Variants in LPP observed in about 807,000 individuals in gnomAD.
LPP encodes the protein LIM domain containing preferred translocation partner in lipoma.
A neutral mutation model predicts 60.4 loss-of-function variants in LPP; 38 were observed. The ratio of observed to expected loss-of-function variants is 0.63; its 90% CI spans 0.49 to 0.83. LPP has a LOEUF of 0.83. Ranked by LOEUF, LPP falls within the 40% of genes least tolerant of loss-of-function variation. LPP has a pLI of 0.00. For missense variants in LPP, 902 were observed against 783.6 expected, an observed-to-expected ratio of 1.15 and a Z score of -1.80; for synonymous variants, 328 against 290.8, an observed-to-expected ratio of 1.13 and a Z score of -1.30.
chr3:188,665,563 G>A (rs6790761), intron 7 of LPP, among the ~76,000 whole-genome samples: 4,156 of 150,496 alleles, frequency 0.028, 87 homozygotes, highest in Middle Eastern at 0.052. Flanking sequence ...AGTTTTAAGC[G>A]ATTCTCCTGC....
At chr3:188,695,656 T>C (rs1300357351) in intron 7 of LPP, among the ~76,000 whole-genome samples, 1 of 152,220 alleles carries the variant, frequency 6.6e-6, no homozygotes, top group African/African-American at 2.4e-5. Context: ...AAAAAACTTG[T>C]GAAATGTTAT....
At chr3:188,849,926 A>G (rs1762337689) in intron 9 of LPP, among the ~76,000 whole-genome samples, 1 of 152,216 alleles carries the variant, frequency 6.6e-6, no homozygotes, top group Admixed American at 6.5e-5. Context: ...AATCCTTGAC[A>G]AAATGATTTT....
chr3:188,413,290 G>A (rs925036656), intron 4 of LPP, among the ~76,000 whole-genome samples: 1 of 152,128 alleles, frequency 6.6e-6, no homozygotes, highest in Non-Finnish European at 1.5e-5. Context: ...CCCATGCAAA[G>A]AGAATCTTGC....
At chr3:188,307,134 A>G (rs1168009581) in intron 2 of LPP, among the ~76,000 whole-genome samples, 1 of 152,142 alleles carries the variant, frequency 6.6e-6, no homozygotes, top group Non-Finnish European at 1.5e-5. Context: ...CAATAACCCA[A>G]AGAGGTGTCT....
chr3:188,173,691 C>T (rs997818474), intron 1 of LPP, among the ~76,000 whole-genome samples: 1 of 152,202 alleles, frequency 6.6e-6, no homozygotes, highest in South Asian at 2.1e-4. Context: ...TGATTTATCT[C>T]CCTGAAGGGC....
intron 2 of LPP, among the ~76,000 whole-genome samples, chr3:188,338,531 A>G (rs1762258762): frequency 2.0e-5 from 3 of 152,206 alleles, no homozygotes. Flanking sequence ...ATAACTGTGA[A>G]AAGAGAAACA....
chr3:188,742,181 A>C (rs2150185848), intron 8 of LPP, among the ~76,000 whole-genome samples: 1 of 152,260 alleles, frequency 6.6e-6, no homozygotes, highest in Admixed American at 6.5e-5. Context: ...TGAAATTCTC[A>C]TACACTGCAG....
At chr3:188,296,644 G>T (rs1225235720) in intron 2 of LPP, among the ~76,000 whole-genome samples, 1 of 152,214 alleles carries the variant, frequency 6.6e-6, no homozygotes, top group African/African-American at 2.4e-5. Flanking sequence ...CACAGAGGCA[G>T]ATGGCAATAA....
chr3:188,360,399 C>T (rs1408540226), intron 3 of LPP, among the ~76,000 whole-genome samples: 4 of 152,146 alleles, frequency 2.6e-5, no homozygotes, highest in Non-Finnish European at 5.9e-5. Flanking sequence ...TCTTTCCTTT[C>T]TTCCTTGCCT....
intron 5 of LPP, among the ~76,000 whole-genome samples, chr3:188,512,884 T>C (rs2150049321): frequency 6.6e-6 from 1 of 152,284 alleles, no homozygotes; most frequent in African/African-American, 2.4e-5. Flanking sequence ...AAATGAAAAA[T>C]AAGAAACATG....
intron 2 of LPP, among the ~76,000 whole-genome samples, chr3:188,240,677 T>A (rs1724179157): frequency 6.6e-6 from 1 of 151,510 alleles, no homozygotes; most frequent in Admixed American, 6.6e-5. Flanking sequence ...TGTCAACTAG[T>A]AAGGCTGCTC....
intron 9 of LPP, among the ~76,000 whole-genome samples, chr3:188,775,983 T>C (rs1375928506): frequency 4.6e-5 from 7 of 152,344 alleles, no homozygotes; most frequent in African/African-American, 1.7e-4. Flanking sequence ...AACTGAAAAG[T>C]GAACTATTTG....
intron 2 of LPP, among the ~76,000 whole-genome samples, chr3:188,309,806 AGAAACAACAAAGTT>A (rs1752802448): frequency 6.6e-6 from 1 of 152,224 alleles, no homozygotes; most frequent in Admixed American, 6.5e-5. Flanking sequence ...GTTGAAAGTA[AGAAACAACAAAGTT>A]GAATATTAGA....
chr3:188,755,527 G>A (rs921631653), intron 8 of LPP, among the ~76,000 whole-genome samples: 1 of 152,108 alleles, frequency 6.6e-6, no homozygotes, highest in Non-Finnish European at 1.5e-5. Context: ...AACCCAGCCT[G>A]GTGCAGTGGT....
chr3:188,429,844 C>G (rs145208162), intron 4 of LPP, among the ~76,000 whole-genome samples: 3 of 152,300 alleles, frequency 2.0e-5, no homozygotes, highest in African/African-American at 7.2e-5. Context: ...GTAAGGTTCT[C>G]TCAGAGAATT....
At chr3:188,357,028 C>T (rs1767800345) in intron 3 of LPP, among the ~76,000 whole-genome samples, 1 of 152,178 alleles carries the variant, frequency 6.6e-6, no homozygotes, top group Admixed American at 6.5e-5. Context: ...CCTTCTTCTC[C>T]ATACACATGC....
At chr3:188,207,571 C>G (rs929775597) in intron 1 of LPP, among the ~76,000 whole-genome samples, 2 of 150,432 alleles carry the variant, frequency 1.3e-5, no homozygotes, top group Admixed American at 6.6e-5. Context: ...TGGTCTTTGT[C>G]ATATCTTCTC....
chr3:188,461,917 A>G (rs937354517), intron 4 of LPP, among the ~76,000 whole-genome samples: 3 of 152,144 alleles, frequency 2.0e-5, no homozygotes, highest in African/African-American at 7.2e-5. Flanking sequence ...TTCTCACAAT[A>G]TTTCAAATTG....
At chr3:188,536,767 G>T (rs1290196764) in intron 6 of LPP, among the ~76,000 whole-genome samples, 3 of 152,202 alleles carry the variant, frequency 2.0e-5, no homozygotes, top group Non-Finnish European at 4.4e-5. Flanking sequence ...AAAGCTTGAA[G>T]CCTGTATAGT....
Sources: gnomAD v4.1 joint callset for allele counts (sites outside exome capture counted in the v4.1 genomes callset) on GRCh38, gnomAD v4.1.1 for gene constraint, MANE v1.5 for transcripts, NCBI Gene and HGNC (gene_info 2026-07-23, HGNC 2026-07-21) for gene names.